The following TLN2 variants were observed in gnomAD, a reference collection of about 807,000 sequenced individuals.
TLN2 encodes talin-2.
Under a neutral mutation model 294.7 loss-of-function variants are expected in TLN2, and 118 were observed. The observed-to-expected ratio is 0.40, with a 90% CI of 0.34 to 0.47. The LOEUF (loss-of-function observed/expected upper bound fraction) is 0.47. Ranked by LOEUF, TLN2 falls within the 20% of genes least tolerant of loss-of-function variation. The probability of loss-of-function intolerance (pLI) is 0.84; values close to 1 mark genes in which losing one functional copy is unlikely to be tolerated. For missense variants in TLN2, 3,083 were observed against 3,282.2 expected (o/e 0.94, Z 1.48); for synonymous variants, 1,431 against 1,304.5 (o/e 1.10, Z -2.09).
At chr15:62,395,457 C>T (rs896221080) in intron 1 of TLN2, among the ~76,000 whole-genome samples, 20 of 152,070 alleles carry the variant, frequency 1.3e-4, no homozygotes, top group African/African-American at 4.3e-4. Context: ...ACTCTCTGCT[C>T]GATGGGGCAG....
chr15:62,434,393 A>T (rs1279456805), intron 1 of TLN2, among the ~76,000 whole-genome samples: 1 of 152,188 alleles, frequency 6.6e-6, no homozygotes, highest in Non-Finnish European at 1.5e-5. Context: ...ATTCCATTAT[A>T]GTATATTCCA....
intron 1 of TLN2, among the ~76,000 whole-genome samples, chr15:62,463,843 C>T (rs113914051): frequency 0.026 from 4,024 of 152,168 alleles, 52 homozygotes; most frequent in Non-Finnish European, 0.031. Context: ...GCTGAGATCG[C>T]GCCACTGCAC....
At chr15:62,493,291 C>A (rs1043937633) in intron 1 of TLN2, among the ~76,000 whole-genome samples, 3 of 152,146 alleles carry the variant, frequency 2.0e-5, no homozygotes, top group Admixed American at 6.5e-5. Context: ...CCTCTCCCAC[C>A]TAATGGCACT....
At chr15:62,579,368 A>G (rs2044712420) in intron 1 of TLN2, among the ~76,000 whole-genome samples, 1 of 152,200 alleles carries the variant, frequency 6.6e-6, no homozygotes, top group Admixed American at 6.5e-5. Flanking sequence ...ATCAGGGCCA[A>G]GTGGTGACAG....
intron 1 of TLN2, among the ~76,000 whole-genome samples, chr15:62,438,046 G>A (rs904891744): frequency 7.9e-5 from 12 of 152,312 alleles, no homozygotes; most frequent in Admixed American, 7.8e-4. Context: ...GGGAAGGCAA[G>A]TGTTAGAGAG....
intron 36 of TLN2, 27 bp downstream of exon 36, chr15:62,753,943 T>C: frequency 6.4e-7 from 1 of 1,550,992 alleles, no homozygotes; most frequent in South Asian, 1.2e-5. Context: ...ATGTAAGATT[T>C]CAAGCCCTTA....
At chr15:62,675,116 TC>T (rs1447060527) in intron 10 of TLN2, 100 bp from the exon 11 acceptor site, 44 of 1,058,772 alleles carry the variant, frequency 4.2e-5, no homozygotes, top group Non-Finnish European at 5.9e-5. Context: ...TAATGATCAT[TC>T]CTAGCCATTT....
chr15:62,628,515 A>G (rs2049486172), intron 3 of TLN2, among the ~76,000 whole-genome samples: 1 of 152,246 alleles, frequency 6.6e-6, no homozygotes, highest in African/African-American at 2.4e-5. Context: ...TAGAGATTAT[A>G]TGCTTTTTCT....
At chr15:62,793,085 A>G (rs1267811670) in intron 46 of TLN2, among the ~76,000 whole-genome samples, 4 of 152,202 alleles carry the variant, frequency 2.6e-5, no homozygotes, top group African/African-American at 9.6e-5. Flanking sequence ...AGTCCCCATC[A>G]GCAGCCAGGA....
At chr15:62,701,055 C>G in intron 16 of TLN2, 51 bp from the exon 17 acceptor site, 5 of 1,520,152 alleles carry the variant, frequency 3.3e-6, no homozygotes, top group Non-Finnish European at 4.5e-6. Context: ...TCTCCGGTCT[C>G]CTGGGTAATT....
At chr15:62,447,113 T>C (rs2035860428) in intron 1 of TLN2, among the ~76,000 whole-genome samples, 1 of 152,250 alleles carries the variant, frequency 6.6e-6, no homozygotes, top group Non-Finnish European at 1.5e-5. Flanking sequence ...AACGCATAGC[T>C]GCATAATCTT....
At chr15:62,670,040 T>G (rs1237966556) in intron 9 of TLN2, among the ~76,000 whole-genome samples, 1 of 152,198 alleles carries the variant, frequency 6.6e-6, no homozygotes, top group Admixed American at 6.5e-5. Context: ...GGGCGCTTGC[T>G]GCAGTACAGG....
At chr15:62,700,704 C>G (rs1392782847) in intron 16 of TLN2, among the ~76,000 whole-genome samples, 1 of 152,228 alleles carries the variant, frequency 6.6e-6, no homozygotes, top group African/African-American at 2.4e-5. Context: ...CACCCTCTTT[C>G]TCACCCTGCA....
intron 9 of TLN2, among the ~76,000 whole-genome samples, chr15:62,669,379 C>G (rs1228082289): frequency 6.6e-6 from 1 of 152,130 alleles, no homozygotes; most frequent in East Asian, 1.9e-4. Flanking sequence ...TGGCTGCGAA[C>G]TTTCAACCTC....
intron 1 of TLN2, among the ~76,000 whole-genome samples, chr15:62,582,400 T>C (rs1003578029): frequency 1.3e-5 from 2 of 152,128 alleles, no homozygotes; most frequent in African/African-American, 4.8e-5. Flanking sequence ...GATAAAAATA[T>C]GGGAGAAGCC....
intron 3 of TLN2, chr15:62,638,653 C>T (rs777127137): frequency 5.9e-5 from 27 of 455,648 alleles, no homozygotes; most frequent in Non-Finnish European, 9.7e-5. Flanking sequence ...GGTCTTTTCT[C>T]ATCATTCTTG....
intron 9 of TLN2, among the ~76,000 whole-genome samples, chr15:62,662,444 C>T (rs2053960171): frequency 6.6e-6 from 1 of 152,082 alleles, no homozygotes; most frequent in Non-Finnish European, 1.5e-5. Flanking sequence ...TGAATACAGA[C>T]AATAGAAAGC....
At chr15:62,421,525 G>C (rs2034392153) in intron 1 of TLN2, among the ~76,000 whole-genome samples, 1 of 152,148 alleles carries the variant, frequency 6.6e-6, no homozygotes, top group African/African-American at 2.4e-5. Context: ...TCCTTTGCAG[G>C]AACACAGGTG....
At chr15:62,574,579 C>CAAAAAAAAAAAAAAAAAAAAAAAAA (rs56279063) in intron 1 of TLN2, among the ~76,000 whole-genome samples, 2 of 46,486 alleles carry the variant, frequency 4.3e-5, no homozygotes, top group Non-Finnish European at 7.6e-5. Flanking sequence ...GACCCTGTCT[C>CAAAAAAAAAAAAAAAAAAAAAAAAA]AAAAAAAAAA....
Sources: allele counts gnomAD v4.1 joint callset (sites outside exome capture counted in the v4.1 genomes callset), GRCh38; gene constraint gnomAD v4.1.1; transcripts MANE v1.5; gene names NCBI Gene and HGNC (gene_info 2026-07-23, HGNC 2026-07-21).